Variants in PRKN observed in about 807,000 individuals in gnomAD.
The protein encoded by PRKN is parkin RBR E3 ubiquitin protein ligase.
PRKN carries 56 observed loss-of-function variants against 59.5 expected under a neutral mutation model. The ratio of observed to expected loss-of-function variants is 0.94; its 90% CI spans 0.76 to 1.18. PRKN has a LOEUF of 1.18. Among genes scored for constraint, PRKN ranks in the 50% most tolerant of loss-of-function variants. PRKN has a pLI of 0.00. For missense variants in PRKN, 657 were observed against 596.4 expected (o/e 1.10, Z -1.06); for synonymous variants, 250 against 222.1 (o/e 1.13, Z -1.12).
At chr6:162,672,174 C>CA (rs1252196122) in intron 1 of PRKN, among the ~76,000 whole-genome samples, 4 of 151,770 alleles carry the variant, frequency 2.6e-5, no homozygotes, top group African/African-American at 4.8e-5. Context: ...CTCAAAAAAA[C>CA]AAAAAATACA....
chr6:162,533,988 A>AAAAAAAAG (rs71004099), intron 1 of PRKN, among the ~76,000 whole-genome samples: 3 of 143,678 alleles, frequency 2.1e-5, no homozygotes, highest in Admixed American at 7.1e-5. Flanking sequence ...AAAAAAAAAA[A>AAAAAAAAG]GAGATATGAA....
rs147947395 is a variant in PRKN, at chr6:162,399,667, T to C, written c.171+43643A>G. 1.3e-3 allele frequency among the ~76,000 whole-genome samples: 204 copies of C among 152,242 alleles called. 1 individual carries two copies. The highest frequency in any genetic ancestry group is 4.6e-3 in the African/African-American group (193 of 41,536). ...CTCAACAGAACTCTCTGGCAACCTA[T>C]TCTAGTAAGAAATGAAAACCAAACA... On this transcript the variant is annotated intron_variant, in intron 2 of 11. Transcript: ENST00000366898.
chr6:161,707,245 T>G lies in PRKN; in HGVS notation c.871+78527A>C, dbSNP rs1050807693. On this transcript the variant is annotated intron_variant, in intron 7 of 11. Coordinates refer to ENST00000366898, the MANE Select transcript of PRKN (RefSeq NM_004562.3). ...TTAATGTTAGCAATAAAATGGAAGGTTGGTTACATTTAATGAATCTGTACA... is the reference window on the plus strand; with the variant it reads ...TTAATGTTAGCAATAAAATGGAAGGGTGGTTACATTTAATGAATCTGTACA... Among the ~76,000 whole-genome samples the G allele has an allele frequency of 2.6e-5, 4 of 151,550 alleles. 1 individual carries two copies. The highest frequency in any genetic ancestry group is 5.9e-5 in the Non-Finnish European group (4 of 67,958).
intron 6 of PRKN, among the ~76,000 whole-genome samples, chr6:161,897,345 CTT>C (rs1777666824): frequency 6.6e-6 from 1 of 152,206 alleles, no homozygotes; most frequent in Non-Finnish European, 1.5e-5. Context: ...TTCAACTTCT[CTT>C]CTTTTTCAGA....
In PRKN at chr6:162,240,060, T is replaced by C. The variant is rs565952396; in HGVS notation, c.412+22465A>G. Among the ~76,000 whole-genome samples, 12 of 152,226 alleles carry C rather than the reference T, an allele frequency of 7.9e-5. No homozygotes were observed. In the East Asian group the frequency reaches 2.1e-3, roughly 27 times the overall value. On this transcript the variant is annotated intron_variant, in intron 3 of 11. Transcript: ENST00000366898. The stretch of plus-strand genomic sequence containing the variant: ...TATGAAGGTTAAGAAATTTATAACA[T>C]TTGCATTTGTTCACGAATGTCAATA...
At chr6:161,479,146 G>A (rs1047528804) in intron 9 of PRKN, among the ~76,000 whole-genome samples, 8 of 152,154 alleles carry the variant, frequency 5.3e-5, no homozygotes, top group African/African-American at 9.7e-5. Flanking sequence ...GAACTAAATC[G>A]TTCTGTATGC....
chr6:162,537,345 C>G lies in PRKN; in HGVS notation c.8-93872G>C, dbSNP rs144184187. On this transcript the variant is annotated intron_variant, in intron 1 of 11. Coordinates refer to ENST00000366898, the MANE Select transcript of PRKN (RefSeq NM_004562.3). ...TCACTCCGTAGCCTAAAGCTTCCAA[C>G]AAGTATCACCACATGTTCCCGCTTC... 3.1e-3 allele frequency among the ~76,000 whole-genome samples: 478 copies of G among 152,306 alleles called. 3 individuals are homozygous for G. The highest frequency in any genetic ancestry group is 0.011 in the African/African-American group (459 of 41,568).
chr6:162,160,954 A>G (rs1015049954), intron 4 of PRKN, among the ~76,000 whole-genome samples: 3 of 152,016 alleles, frequency 2.0e-5, no homozygotes, highest in Non-Finnish European at 4.4e-5. Flanking sequence ...AGAGATAATA[A>G]AAAGCACTAG....
At chr6:162,030,589 T>C (rs1348236068) in intron 5 of PRKN, among the ~76,000 whole-genome samples, 2 of 152,130 alleles carry the variant, frequency 1.3e-5, no homozygotes. Context: ...CCAAAACCCT[T>C]CCCTGCACAC....
chr6:162,456,804 C>G (rs573087920), intron 1 of PRKN, among the ~76,000 whole-genome samples: 1 of 152,280 alleles, frequency 6.6e-6, no homozygotes, highest in Non-Finnish European at 1.5e-5. Context: ...TAACATTGCA[C>G]TCATAGCCAA....
chr6:161,348,409 G>A lies in PRKN; in HGVS notation c.*1690C>T, dbSNP rs1288779239. 1 of 223,788 alleles carries A rather than the reference G, an allele frequency of 4.5e-6. No homozygotes were observed. Among genetic ancestry groups the A allele is most frequent in the East Asian group, 6.4e-5 (1 of 15,630 alleles). The allele number at this position is 223,788 out of a possible 1,614,324, so 13.9% of individuals were successfully genotyped here. On this transcript the variant is annotated 3_prime_UTR_variant, in exon 12 of 12. Transcript: ENST00000366898. The surrounding 1 kb of genome is among the most constrained non-coding windows in gnomAD (Gnocchi z 4.9). ...TGTCACAGGTCTGTTGTCACCGTGG[G>A]GCCATGTTGGAGTCGGTAGATTTTC...
At chr6:161,997,703 C>CT (rs1441940296) in intron 5 of PRKN, among the ~76,000 whole-genome samples, 1 of 152,166 alleles carries the variant, frequency 6.6e-6, no homozygotes, top group Non-Finnish European at 1.5e-5. Context: ...AATCTAGTTT[C>CT]TTTTCAGAAA....
intron 9 of PRKN, among the ~76,000 whole-genome samples, chr6:161,523,980 A>C (rs1778929648): frequency 6.6e-6 from 1 of 152,220 alleles, no homozygotes; most frequent in Non-Finnish European, 1.5e-5. Context: ...AAGAGGAAAA[A>C]AATGAACACA....
intron 7 of PRKN, chr6:161,716,165 A>T (rs1223833288): frequency 1.7e-6 from 2 of 1,168,476 alleles, no homozygotes; most frequent in Non-Finnish European, 2.3e-6. Flanking sequence ...GACTGGGTTA[A>T]TTTGATGCTC....
At chr6:161,510,485 C>G (rs73591665) in intron 9 of PRKN, among the ~76,000 whole-genome samples, 1 of 152,144 alleles carries the variant, frequency 6.6e-6, no homozygotes, top group African/African-American at 2.4e-5. Context: ...GAGACCAACG[C>G]GAAGCCCATT....
rs146384277 is a variant in PRKN, at chr6:161,913,623, C to T, written c.734+59679G>A. On this transcript the variant is annotated intron_variant, in intron 6 of 11. Transcript: ENST00000366898. ...AGAGCAATCATTGTTTACAAAAAAC[C>T]TACTATGTCTATTTATTCATTGACC... Among the ~76,000 whole-genome samples the T allele has an allele frequency of 2.0e-5, 3 of 152,238 alleles. No individual in the cohort carries two copies. The East Asian group carries it at 5.8e-4, about 29-fold the overall frequency.
chr6:162,176,080 A>C (rs1345381640), intron 4 of PRKN, among the ~76,000 whole-genome samples: 1 of 152,186 alleles, frequency 6.6e-6, no homozygotes, highest in Non-Finnish European at 1.5e-5. Context: ...GCTCTCAATT[A>C]AATATTCAAC....
intron 7 of PRKN, among the ~76,000 whole-genome samples, chr6:161,748,109 G>T (rs936527402): frequency 2.6e-5 from 4 of 152,128 alleles, no homozygotes; most frequent in Non-Finnish European, 5.9e-5. Context: ...CTCCAGCTCA[G>T]ACTTCTGTGT....
At chr6:161,759,814 G>C (rs1303026485) in intron 7 of PRKN, among the ~76,000 whole-genome samples, 2 of 152,000 alleles carry the variant, frequency 1.3e-5, no homozygotes, top group Non-Finnish European at 2.9e-5. Flanking sequence ...TGGGTTTTAG[G>C]GTTCCCCAGA....
Sources: allele counts gnomAD v4.1 joint callset (sites outside exome capture counted in the v4.1 genomes callset), GRCh38; gene constraint gnomAD v4.1.1; non-coding constraint Gnocchi (gnomAD v3.1); transcripts MANE v1.5; gene names NCBI Gene and HGNC (gene_info 2026-07-23, HGNC 2026-07-21).